Variants in TMEM184B observed in about 807,000 individuals in gnomAD.
TMEM184B encodes the protein putative MAPK-activating protein FM08.
In TMEM184B, 17 loss-of-function variants were observed where a neutral mutation model predicts 41.8. The observed-to-expected ratio is 0.41, with a 90% CI of 0.28 to 0.61. The LOEUF (loss-of-function observed/expected upper bound fraction) is 0.61, where lower values mean the gene tolerates loss of function less well. Ranked by LOEUF, TMEM184B falls within the 20% of genes least tolerant of loss-of-function variation. The pLI, the probability that TMEM184B is intolerant of heterozygous loss-of-function variation, is 0.34. For synonymous variants in TMEM184B, 240 were observed against 229.5 expected, an observed-to-expected ratio of 1.05 and a Z score of -0.41; for missense variants, 393 against 557.8, an observed-to-expected ratio of 0.70 and a Z score of 2.98.
chr22:38,231,245 C>T lies in TMEM184B; in HGVS notation c.448G>A (p.Glu150Lys), dbSNP rs750381344. 1.2e-6 allele frequency: 2 copies of T among 1,613,796 alleles called. No individual in the cohort carries two copies. The highest frequency in any genetic ancestry group is 2.7e-5 in the African/African-American group (2 of 74,906). The part of the protein sequence containing the change: ...IMSEIRGKPI[E>K]SSCMYGTCCL... ...GCTCTGGGAAGACTCCATACTCACT[C>T]AATGGGTTTTCCTCTGATCTCCGAC... Residue 150 changes from glutamate (E) to lysine (K), a missense_variant and splice_region_variant, in exon 4 of 9, where the codon GAG (glutamate) becomes AAG (lysine). Around this residue, in one of 2 missense-constraint regions of TMEM184B, gnomAD observed 271 missense variants for 434.1 expected, o/e 0.62. Coordinates refer to ENST00000361906, the MANE Select transcript of TMEM184B (RefSeq NM_012264.5).
intron 1 of TMEM184B, among the ~76,000 whole-genome samples, chr22:38,255,275 C>T (rs902714594): frequency 1.7e-4 from 26 of 152,190 alleles, no homozygotes; most frequent in African/African-American, 5.8e-4. Context: ...CCGCCCGCCT[C>T]AGCCTCCCAG....
In TMEM184B at chr22:38,221,270, A is replaced by G; in HGVS notation, c.*199T>C. The G allele has an allele frequency of 7.0e-7, 1 of 1,423,756 alleles. No individual in the cohort carries two copies. Among genetic ancestry groups the G allele is most frequent in the Non-Finnish European group, 9.1e-7 (1 of 1,093,414 alleles). 88.2% of individuals were successfully genotyped at this position (1,423,756 alleles called of 1,614,324 possible). A position where few individuals can be genotyped will look rare whatever the true frequency, so the allele number is the denominator to read the frequency against. On this transcript the variant is annotated 3_prime_UTR_variant, in exon 9 of 9. Coordinates refer to ENST00000361906, the MANE Select transcript of TMEM184B (RefSeq NM_012264.5). ...CCGGGCAGTGCAGGCTGGGCCATGT[A>G]TAAATATTCCTGAAGGCCCATGGGC...
intron 1 of TMEM184B, among the ~76,000 whole-genome samples, chr22:38,272,227 G>A (rs1444233732): frequency 1.3e-5 from 2 of 152,240 alleles, no homozygotes; most frequent in African/African-American, 2.4e-5. Context: ...AGCACTGGAG[G>A]TAAGTGGATC....
In TMEM184B at chr22:38,226,748, C is replaced by CCA; in HGVS notation, c.617+29_617+30dup. ...GCACCAGCCTGCGCCAACACTCCTC[C>CCA]CACACACCCCGGGGAGCACCCGCTG... is the stretch of plus-strand genomic sequence containing the variant. On this transcript the variant is annotated intron_variant, in intron 6 of 8. Transcript: ENST00000361906. This position sits in a 1 kb window ranked among gnomAD's most constrained non-coding sequence, Gnocchi z 4.6. The CCA allele has an allele frequency of 6.4e-7, 1 of 1,564,406 alleles. No homozygotes were observed. Among genetic ancestry groups the CCA allele is most frequent in the Non-Finnish European group, 8.7e-7 (1 of 1,153,494 alleles).
rs2092484271 is a variant in TMEM184B at position 38,269,089 on chromosome 22, T to G, written c.-59+3795A>C. 2.0e-5 allele frequency among the ~76,000 whole-genome samples: 3 copies of G among 152,362 alleles called. No individual in the cohort carries two copies. The South Asian group carries it at 6.2e-4, about 32-fold the overall frequency. ...TTAAACAGCAGGAATTAGAACCTGG[T>G]AAGCATCTTGCCCAAGGCCACAGGG... On this transcript the variant is annotated intron_variant, in intron 1 of 8. Coordinates refer to ENST00000361906, the MANE Select transcript of TMEM184B (RefSeq NM_012264.5).
intron 1 of TMEM184B, among the ~76,000 whole-genome samples, chr22:38,262,049 G>A (rs9622767): frequency 0.09 from 13,676 of 152,324 alleles, 793 homozygotes; most frequent in South Asian, 0.22. Flanking sequence ...TGAATAAATA[G>A]TGGTATATTT....
At chr22:38,263,961 C>T (rs937907735) in intron 1 of TMEM184B, among the ~76,000 whole-genome samples, 1 of 152,112 alleles carries the variant, frequency 6.6e-6, no homozygotes, top group African/African-American at 2.4e-5. Context: ...CGTGTCACCA[C>T]GCTGGGCTAA....
At chr22:38,246,557 G>A (rs2092035156) in intron 2 of TMEM184B, 1 of 280,598 alleles carries the variant, frequency 3.6e-6, no homozygotes, top group South Asian at 3.4e-5. Context: ...GCCTTGCCCC[G>A]TCCCTTAACT....
At chr22:38,241,979 AAAAC>A (rs1422598523) in intron 3 of TMEM184B, among the ~76,000 whole-genome samples, 1 of 136,046 alleles carries the variant, frequency 7.4e-6, no homozygotes, top group East Asian at 2.1e-4. Flanking sequence ...ATAAAACTGA[AAAAC>A]AAACAACAAC....
chr22:38,220,911 T>C lies in TMEM184B; in HGVS notation c.*558A>G. 1.0e-6 allele frequency: 1 copy of C among 987,028 alleles called. No homozygotes were observed. Among genetic ancestry groups the C allele is most frequent in the Non-Finnish European group, 1.2e-6 (1 of 830,782 alleles). The allele number at this position is 987,028 out of a possible 1,614,324, so 61.1% of individuals were successfully genotyped here. On this transcript the variant is annotated 3_prime_UTR_variant, in exon 9 of 9. Transcript: ENST00000361906. The stretch of plus-strand genomic sequence containing the variant: ...GTGTCTGGCTCTGATCCTTGCAGCA[T>C]GCCACAGAGGCCTGGGTCAGGAGGG...
chr22:38,262,254 C>T (rs1193581515), intron 1 of TMEM184B, among the ~76,000 whole-genome samples: 1 of 152,184 alleles, frequency 6.6e-6, no homozygotes, highest in African/African-American at 2.4e-5. Flanking sequence ...CGGCGAAGAG[C>T]GAGTGGCCAG....
At chr22:38,269,833 T>A (rs1217064096) in intron 1 of TMEM184B, among the ~76,000 whole-genome samples, 1 of 152,072 alleles carries the variant, frequency 6.6e-6, no homozygotes, top group Non-Finnish European at 1.5e-5. Context: ...CAAAAGCTGC[T>A]AGAAGACAAC....
Position 38,221,520 on chromosome 22 carries a change from G to A in TMEM184B, c.1173C>T (p.Gly391=), listed in dbSNP as rs755883217. 15 of 1,613,316 alleles carry A rather than the reference G, an allele frequency of 9.3e-6. No individual in the cohort carries two copies. The highest frequency in any genetic ancestry group is 3.3e-4 in the Middle Eastern group (2 of 6,078). The part of the protein sequence containing the change: ...HGLSRSHSLS[G]ARDNEKTLLL... ...GGAGAGTCTTCTCGTTGTCGCGGGC[G>A]CCACTGAGGCTGTGGGAGCGGGAGA... is the stretch of plus-strand genomic sequence containing the variant. Residue 391 remains glycine (G), a synonymous_variant, in exon 9 of 9, where the codon GGC becomes GGT. Transcript: ENST00000361906.
At position 38,272,913 on chromosome 22, in the gene TMEM184B, G is replaced by A. The variant is rs945584606; in HGVS notation, c.-88C>T. ...GGAGCCCATGGCGGTGGCGGCGTCT[G>A]CGGACGATGCGCGGCAGCCGGACTC... On this transcript the variant is annotated 5_prime_UTR_variant, in exon 1 of 9. Coordinates refer to ENST00000361906, the MANE Select transcript of TMEM184B (RefSeq NM_012264.5). 3.0e-6 allele frequency: 2 copies of A among 657,874 alleles called. No individual in the cohort carries two copies. The highest frequency in any genetic ancestry group is 1.9e-6 in the Non-Finnish European group (1 of 530,904). 40.8% of individuals were successfully genotyped at this position (657,874 alleles called of 1,614,324 possible).
intron 1 of TMEM184B, among the ~76,000 whole-genome samples, chr22:38,263,777 A>T (rs1265275595): frequency 6.6e-6 from 1 of 152,200 alleles, no homozygotes; most frequent in Non-Finnish European, 1.5e-5. Context: ...ATGAGCCTCA[A>T]TGTTGGGGGA....
At chr22:38,248,871 C>T (rs2092100112) in intron 1 of TMEM184B, among the ~76,000 whole-genome samples, 1 of 152,202 alleles carries the variant, frequency 6.6e-6, no homozygotes, top group Non-Finnish European at 1.5e-5. Context: ...CGCCATTTCT[C>T]CCCCTTTCCT....
chr22:38,240,234 C>G (rs1442031070), intron 3 of TMEM184B, among the ~76,000 whole-genome samples: 1 of 152,018 alleles, frequency 6.6e-6, no homozygotes, highest in Non-Finnish European at 1.5e-5. Flanking sequence ...CAGAAGAAAA[C>G]TGCAATGACC....
intron 1 of TMEM184B, among the ~76,000 whole-genome samples, chr22:38,249,800 C>T (rs1253355198): frequency 2.0e-5 from 3 of 152,240 alleles, no homozygotes; most frequent in African/African-American, 7.2e-5. Flanking sequence ...ATGGGGCGGC[C>T]CTTTCAGTAC....
rs2091454427 is a variant in TMEM184B at position 38,226,840 on chromosome 22, G to A, written c.556C>T (p.Leu186Phe). ...ATLQFCVVKP[L>F]MAVSTVVLQA... ...AGGACCACAGTGCTGACCGCCATGA[G>A]TGGCTTCACCACACAGAACTGCAGG... Residue 186 changes from leucine (L) to phenylalanine (F), a missense_variant, in exon 6 of 9, where the codon CTC becomes TTC. Physicochemically the swap from Leu to Phe is conservative, Grantham distance 22. This residue lies in a region of TMEM184B where 271 missense variants were observed against 434.1 expected (regional missense o/e 0.62). Coordinates refer to ENST00000361906, the MANE Select transcript of TMEM184B (RefSeq NM_012264.5). This position sits in a 1 kb window ranked among gnomAD's most constrained non-coding sequence, Gnocchi z 4.6. The A allele has an allele frequency of 2.5e-6, 4 of 1,602,832 alleles. No individual in the cohort carries two copies. In the East Asian group the frequency reaches 9.0e-5, roughly 36 times the overall value.
Sources: allele counts gnomAD v4.1 joint callset (sites outside exome capture counted in the v4.1 genomes callset), GRCh38; gene constraint gnomAD v4.1.1; regional missense constraint gnomAD v4.1.1; non-coding constraint Gnocchi (gnomAD v3.1); transcripts MANE v1.5; gene names NCBI Gene and HGNC (gene_info 2026-07-23, HGNC 2026-07-21).